Variants in MTMR8 observed in about 807,000 individuals in gnomAD.
The protein encoded by MTMR8 is myotubularin related protein 8, also known as phosphatidylinositol-3,5-bisphosphate 3-phosphatase MTMR8.
In MTMR8, 65 loss-of-function variants were observed where a neutral mutation model predicts 39.3. The observed-to-expected ratio is 1.65, with a 90% CI of 1.35 to 2.03. The LOEUF (loss-of-function observed/expected upper bound fraction) is 2.03. Among genes scored for constraint, MTMR8 ranks in the 30% most tolerant of loss-of-function variants. MTMR8 has a pLI of 0.00. For missense variants in MTMR8, 777 were observed against 538.9 expected (o/e 1.44, Z -4.37); for synonymous variants, 245 against 185.2 (o/e 1.32, Z -2.62).
At chrX:64,376,667 T>A (rs929557289) in intron 1 of MTMR8, among the ~76,000 whole-genome samples, 1 of 112,576 alleles carries the variant, frequency 8.9e-6, no homozygotes, top group Admixed American at 9.4e-5. Context: ...AAGCACAGCA[T>A]AAAAGTTTAG....
At chrX:64,342,018 G>T (rs1474315177) in intron 8 of MTMR8, among the ~76,000 whole-genome samples, 1 of 112,131 alleles carries the variant, frequency 8.9e-6, no homozygotes, top group Non-Finnish European at 1.9e-5. Context: ...CAGCCAAGCT[G>T]GGGCGACATT....
chrX:64,283,189 G>T (rs991051557), intron 12 of MTMR8, among the ~76,000 whole-genome samples: 1 of 112,143 alleles, frequency 8.9e-6, no homozygotes, highest in Non-Finnish European at 1.9e-5. Flanking sequence ...CCGGCACCTG[G>T]CTCAGAGGGT....
intron 12 of MTMR8, among the ~76,000 whole-genome samples, chrX:64,313,061 C>A (rs991211839): frequency 8.9e-6 from 1 of 112,251 alleles, no homozygotes; most frequent in Non-Finnish European, 1.9e-5. Context: ...CTGGCTTCAT[C>A]TGAATGTCAC....
intron 12 of MTMR8, among the ~76,000 whole-genome samples, chrX:64,313,671 G>A (rs896470935): frequency 1.2e-4 from 13 of 112,242 alleles, no homozygotes; most frequent in African/African-American, 4.2e-4. Context: ...ACACTTAAAG[G>A]CCATTGCATG....
chrX:64,372,923 T>C (rs924502589), intron 1 of MTMR8, among the ~76,000 whole-genome samples: 2 of 111,719 alleles, frequency 1.8e-5, no homozygotes, highest in East Asian at 2.8e-4. Context: ...GAGTACTTCA[T>C]TGTCAGACAA....
chrX:64,349,867 A>C (rs1354525441), intron 5 of MTMR8, 75 bp downstream of exon 5: 1 of 910,983 alleles, frequency 1.1e-6, no homozygotes, highest in East Asian at 3.9e-5. Flanking sequence ...ACAGCTACTA[A>C]GTGGCAGCAT....
At chrX:64,301,717 T>G (rs1215688422) in intron 12 of MTMR8, among the ~76,000 whole-genome samples, 1 of 111,228 alleles carries the variant, frequency 9.0e-6, no homozygotes, top group African/African-American at 3.3e-5. Context: ...TTTATCTACT[T>G]TTGGTCTTTG....
chrX:64,339,624 T>A (rs771515404), intron 8 of MTMR8, among the ~76,000 whole-genome samples: 25 of 111,057 alleles, frequency 2.3e-4, no homozygotes, highest in Non-Finnish European at 4.5e-4. Flanking sequence ...AGAAAATATT[T>A]GAGCATACTA....
intron 1 of MTMR8, among the ~76,000 whole-genome samples, chrX:64,367,346 T>C (rs938892365): frequency 8.9e-6 from 1 of 112,003 alleles, no homozygotes; most frequent in Non-Finnish European, 1.9e-5. Flanking sequence ...TGAACATCGA[T>C]GCCAAAATCC....
At chrX:64,362,835 AAACT>A (rs200820017) in intron 1 of MTMR8, among the ~76,000 whole-genome samples, 15,019 of 110,100 alleles carry the variant, frequency 0.14, 2,494 homozygotes, top group African/African-American at 0.47. Flanking sequence ...GCCACTCCTA[AAACT>A]AACAAGGAAT....
chrX:64,288,857 G>A (rs751194659), intron 12 of MTMR8, among the ~76,000 whole-genome samples: 4 of 109,866 alleles, frequency 3.6e-5, no homozygotes, highest in South Asian at 7.9e-4. Flanking sequence ...ATCACACACC[G>A]GGGCCTGTTG....
intron 3 of MTMR8, among the ~76,000 whole-genome samples, chrX:64,355,778 G>A (rs1923606137): frequency 9.0e-6 from 1 of 110,773 alleles, no homozygotes; most frequent in Non-Finnish European, 1.9e-5. Flanking sequence ...TAAAAGTAGG[G>A]GTGGAAATCG....
Position 64,354,776 on chromosome X carries a change from C to T in MTMR8, c.468+1G>A, listed in dbSNP as rs371394273. 9.4e-6 allele frequency: 11 copies of T among 1,171,024 alleles called. No individual in the cohort carries two copies. The highest frequency in any genetic ancestry group is 1.3e-5 in the Non-Finnish European group (11 of 877,240). On this transcript the variant is annotated splice_donor_variant, in intron 4 of 13. Transcript: ENST00000374852. LOFTEE classifies it high-confidence loss of function. ...AAGGCAAACAACAAGGACAAAATTA[C>T]CTCATAGTTTCTGTTGGCATCTGTT...
chrX:64,292,462 A>T (rs892309340), intron 12 of MTMR8, among the ~76,000 whole-genome samples: 5 of 110,629 alleles, frequency 4.5e-5, no homozygotes, highest in Non-Finnish European at 9.5e-5. Context: ...TTGCACAGAG[A>T]GGAGGTAGAA....
Position 64,344,291 on chromosome X carries a change from T to A in MTMR8, c.866-571A>T, listed in dbSNP as rs1923294230. ...GAGTAAGAGACCTAAGGAAGAGGGA[T>A]ATTAATATTTTAAAAGGGATGCAGA... On this transcript the variant is annotated intron_variant, in intron 7 of 13. Transcript: ENST00000374852. Among the ~76,000 whole-genome samples, 3 of 111,792 alleles carry A rather than the reference T, an allele frequency of 2.7e-5. No homozygotes were observed. In the South Asian group the frequency reaches 1.1e-3, roughly 42 times the overall value.
intron 8 of MTMR8, 27 bp from the exon 9 acceptor site, chrX:64,337,420 C>T: frequency 8.3e-7 from 1 of 1,198,842 alleles, no homozygotes; most frequent in Non-Finnish European, 1.1e-6. Flanking sequence ...CAAAAAAGTA[C>T]CACAAGCAAC....
intron 12 of MTMR8, among the ~76,000 whole-genome samples, chrX:64,307,321 T>C (rs973647963): frequency 1.8e-5 from 2 of 112,191 alleles, no homozygotes; most frequent in African/African-American, 6.5e-5. Context: ...GAAATTTTTC[T>C]AAGTTTTCTT....
intron 1 of MTMR8, among the ~76,000 whole-genome samples, chrX:64,382,636 C>G (rs1368151078): frequency 9.0e-6 from 1 of 111,510 alleles, no homozygotes; most frequent in African/African-American, 3.3e-5. Context: ...ACTTCCAACA[C>G]TATGTTGAAT....
intron 1 of MTMR8, among the ~76,000 whole-genome samples, chrX:64,393,553 A>G (rs1344314881): frequency 1.1e-4 from 12 of 112,091 alleles, no homozygotes; most frequent in Middle Eastern, 4.6e-3. Flanking sequence ...GCTGATTTTG[A>G]ACTAGACAAG....
Sources: gnomAD v4.1 joint callset for allele counts (sites outside exome capture counted in the v4.1 genomes callset) on GRCh38, gnomAD v4.1.1 for gene constraint, MANE v1.5 for transcripts, NCBI Gene and HGNC (gene_info 2026-07-23, HGNC 2026-07-21) for gene names.